Variants in GRIK4 observed in about 807,000 individuals in gnomAD.
The protein encoded by GRIK4 is glutamate ionotropic receptor kainate type subunit 4, also known as glutamate receptor ionotropic, kainate 4.
Under a neutral mutation model 104.9 loss-of-function variants are expected in GRIK4, and 40 were observed. The observed-to-expected ratio is 0.38, with a 90% CI of 0.30 to 0.50. The LOEUF (loss-of-function observed/expected upper bound fraction) is 0.50, where lower values mean the gene tolerates loss of function less well. Ranked by LOEUF, GRIK4 falls within the 20% of genes least tolerant of loss-of-function variation. The pLI, the probability that GRIK4 is intolerant of heterozygous loss-of-function variation, is 0.93. For missense variants in GRIK4, 1,047 were observed against 1,308.1 expected (o/e 0.80, Z 3.08); for synonymous variants, 485 against 524.9 (o/e 0.92, Z 1.04).
chr11:120,962,750 G>A, intron 18 of GRIK4, 69 bp downstream of exon 18: 1 of 995,304 alleles, frequency 1.0e-6, no homozygotes. Context: ...TCAAACCACT[G>A]AATACAGCAT....
At chr11:120,890,713 C>T (rs1955264042) in intron 11 of GRIK4, among the ~76,000 whole-genome samples, 1 of 152,160 alleles carries the variant, frequency 6.6e-6, no homozygotes, top group South Asian at 2.1e-4. Context: ...GTCTGAAGTA[C>T]CTCCATTAAG....
chr11:120,758,475 T>C (rs1951690421), intron 3 of GRIK4, among the ~76,000 whole-genome samples: 1 of 152,170 alleles, frequency 6.6e-6, no homozygotes, highest in African/African-American at 2.4e-5. Flanking sequence ...ATTTTATATA[T>C]ATTCACCTCT....
chr11:120,838,594 A>T (rs1428905371), intron 8 of GRIK4, among the ~76,000 whole-genome samples: 2 of 152,248 alleles, frequency 1.3e-5, no homozygotes, highest in Admixed American at 1.3e-4. Flanking sequence ...AGAAAACGAC[A>T]GCAGAACCAT....
At chr11:120,618,536 G>A (rs1418489608) in intron 1 of GRIK4, among the ~76,000 whole-genome samples, 1 of 152,232 alleles carries the variant, frequency 6.6e-6, no homozygotes, top group Non-Finnish European at 1.5e-5. Flanking sequence ...AAGGCCTTGA[G>A]GCATTTCAGA....
chr11:120,807,257 C>T (rs76697904), intron 4 of GRIK4, among the ~76,000 whole-genome samples: 2,069 of 152,256 alleles, frequency 0.014, 41 homozygotes, highest in African/African-American at 0.046. Flanking sequence ...GTTTCTCCTG[C>T]GGTTAATGAA....
chr11:120,959,580 A>T (rs1245934723), intron 16 of GRIK4, among the ~76,000 whole-genome samples: 2 of 152,192 alleles, frequency 1.3e-5, no homozygotes, highest in South Asian at 2.1e-4. Flanking sequence ...GCCCCTTGGG[A>T]TTGGGATGTA....
intron 1 of GRIK4, among the ~76,000 whole-genome samples, chr11:120,537,557 G>A (rs1327393030): frequency 6.6e-6 from 1 of 152,132 alleles, no homozygotes; most frequent in African/African-American, 2.4e-5. Flanking sequence ...CACAGTGAAG[G>A]AAGCAAACAC....
chr11:120,645,872 C>T (rs778460160), intron 1 of GRIK4, among the ~76,000 whole-genome samples: 4 of 152,218 alleles, frequency 2.6e-5, no homozygotes, highest in Non-Finnish European at 5.9e-5. Context: ...ACTCAAGTTC[C>T]GGGCAATTAC....
At chr11:120,607,055 C>G (rs913041894) in intron 1 of GRIK4, among the ~76,000 whole-genome samples, 1 of 152,112 alleles carries the variant, frequency 6.6e-6, no homozygotes, top group African/African-American at 2.4e-5. Context: ...GGGAATGCCA[C>G]AATTCATTGG....
intron 11 of GRIK4, among the ~76,000 whole-genome samples, chr11:120,894,152 C>A (rs1199828722): frequency 6.6e-6 from 1 of 152,204 alleles, no homozygotes; most frequent in East Asian, 1.9e-4. Context: ...GGAGATCCCA[C>A]CTTCTGCCTT....
chr11:120,871,694 A>G (rs1263559712), intron 9 of GRIK4: 2 of 456,098 alleles, frequency 4.4e-6, no homozygotes, highest in East Asian at 7.0e-5. Flanking sequence ...CTCTGTGGAG[A>G]GTGGGAAGGT....
At chr11:120,979,560 T>C (rs1423361478) in intron 19 of GRIK4, among the ~76,000 whole-genome samples, 3 of 152,114 alleles carry the variant, frequency 2.0e-5, no homozygotes, top group East Asian at 1.9e-4. Flanking sequence ...AGCTCGGCCA[T>C]GGAAGGAGAG....
At chr11:120,808,263 T>C (rs12278827) in intron 4 of GRIK4, among the ~76,000 whole-genome samples, 17,748 of 152,032 alleles carry the variant, frequency 0.12, 3,289 homozygotes, top group African/African-American at 0.39. Flanking sequence ...CTCTCCTATG[T>C]CTCACAGCCC....
intron 9 of GRIK4, chr11:120,871,850 T>C: frequency 2.2e-6 from 1 of 456,324 alleles, no homozygotes; most frequent in South Asian, 1.5e-5. Context: ...CAGGTAGTTT[T>C]GTGATGCGGG....
intron 1 of GRIK4, among the ~76,000 whole-genome samples, chr11:120,533,213 A>G (rs1014872314): frequency 3.3e-5 from 5 of 152,210 alleles, no homozygotes; most frequent in Admixed American, 2.0e-4. Context: ...AGCAGAGGGA[A>G]AAGCACATGT....
chr11:120,986,305 G>T lies in GRIK4; in HGVS notation c.*45G>T. On this transcript the variant is annotated 3_prime_UTR_variant, in exon 21 of 21. Coordinates refer to ENST00000527524, the MANE Select transcript of GRIK4 (RefSeq NM_014619.5). ...CGCAGAGGCCGGGCGGGGCGGGAGGGGAGGGGCGGGGCGGGCGCTGCTGTC... is the reference window on the plus strand; with the variant it reads ...CGCAGAGGCCGGGCGGGGCGGGAGGTGAGGGGCGGGGCGGGCGCTGCTGTC... The T allele has an allele frequency of 6.9e-7, 1 of 1,442,056 alleles. No homozygotes were observed. Among genetic ancestry groups the T allele is most frequent in the South Asian group, 1.4e-5 (1 of 72,274 alleles). The allele number at this position is 1,442,056 out of a possible 1,614,324, so 89.3% of individuals were successfully genotyped here. A position where few individuals can be genotyped will look rare whatever the true frequency, so the allele number is the denominator to read the frequency against.
chr11:120,644,001 G>GGGAGA (rs531018963), intron 1 of GRIK4, among the ~76,000 whole-genome samples: 2 of 140,940 alleles, frequency 1.4e-5, no homozygotes, highest in African/African-American at 5.4e-5. Flanking sequence ...AAGTTTCCAG[G>GGGAGA]GGAGAGGGTC....
In GRIK4 at chr11:120,513,457, G is replaced by A. The variant is rs61900861; in HGVS notation, c.-159+1570G>A. Among the ~76,000 whole-genome samples, 1 of 152,184 alleles carries A rather than the reference G, an allele frequency of 6.6e-6. No homozygotes were observed. Among genetic ancestry groups the A allele is most frequent in the Non-Finnish European group, 1.5e-5 (1 of 68,026 alleles). On this transcript the variant is annotated intron_variant, in intron 1 of 20. Coordinates refer to ENST00000527524, the MANE Select transcript of GRIK4 (RefSeq NM_014619.5). This position sits in a 1 kb window ranked among gnomAD's most constrained non-coding sequence, Gnocchi z 4.5. The stretch of plus-strand genomic sequence containing the variant: ...ACTGTGTTCCGGTCCCACCAGGGAT[G>A]GCAGCCCCTGGAATTCCACTGGGCG...
At chr11:120,938,855 T>C (rs1943656149) in intron 13 of GRIK4, among the ~76,000 whole-genome samples, 1 of 152,210 alleles carries the variant, frequency 6.6e-6, no homozygotes, top group Non-Finnish European at 1.5e-5. Context: ...CAAATATAGA[T>C]TCCTGCGTCC....
Sources: gnomAD v4.1 joint callset for allele counts (sites outside exome capture counted in the v4.1 genomes callset) on GRCh38, gnomAD v4.1.1 for gene constraint, Gnocchi (gnomAD v3.1) non-coding constraint, MANE v1.5 for transcripts, NCBI Gene and HGNC (gene_info 2026-07-23, HGNC 2026-07-21) for gene names.